ANO1: variants seen among roughly 807,000 people sequenced by gnomAD.
ANO1 encodes anoctamin-1.
ANO1 carries 59 observed loss-of-function variants against 124.0 expected under a neutral mutation model. The ratio of observed to expected loss-of-function variants is 0.48; its 90% CI spans 0.39 to 0.59. The LOEUF (loss-of-function observed/expected upper bound fraction) is 0.59, where lower values mean the gene tolerates loss of function less well. Among genes scored for constraint, ANO1 ranks in the 20% least tolerant of loss-of-function variants. The probability of loss-of-function intolerance (pLI) is 0.00; values close to 1 mark genes in which losing one functional copy is unlikely to be tolerated. For synonymous variants in ANO1, 529 were observed against 532.0 expected (o/e 0.99, Z 0.08); for missense variants, 1,059 against 1,328.0 (o/e 0.80, Z 3.15).
At chr11:69,973,866 C>T in the ANO1 span, among the ~76,000 whole-genome samples, 14 of 146,722 alleles carry the variant, frequency 9.5e-5, no homozygotes, top group Middle Eastern at 3.7e-3. Flanking sequence ...AGCAAGACTC[C>T]GTCTAAAAAA....
At chr11:69,978,629 G>A in the ANO1 span, among the ~76,000 whole-genome samples, 2 of 152,194 alleles carry the variant, frequency 1.3e-5, no homozygotes, top group African/African-American at 2.4e-5. Flanking sequence ...GGGATTACAC[G>A]TGTAAGCTAC....
intron 18 of ANO1, among the ~76,000 whole-genome samples, chr11:70,162,299 G>A (rs1037310793): frequency 3.3e-5 from 5 of 151,928 alleles, no homozygotes; most frequent in African/African-American, 1.2e-4. Context: ...GGGGACCCCA[G>A]GCAGTGAGGA....
chr11:70,010,118 C>T (rs1195248193), intron 1 of ANO1, among the ~76,000 whole-genome samples: 1 of 140,114 alleles, frequency 7.1e-6, no homozygotes, highest in African/African-American at 2.7e-5. Context: ...CTTTTTATGG[C>T]GGAGTAGTAT....
Position 70,188,081 on chromosome 11 carries a change from G to A in ANO1, c.*77G>A, listed in dbSNP as rs1251596260. 16 of 1,483,362 alleles carry A rather than the reference G, an allele frequency of 1.1e-5. No homozygotes were observed. Among genetic ancestry groups the A allele is most frequent in the East Asian group, 5.0e-5 (2 of 40,386 alleles). 91.9% of individuals were successfully genotyped at this position (1,483,362 alleles called of 1,614,324 possible). A position where few individuals can be genotyped will look rare whatever the true frequency, so the allele number is the denominator to read the frequency against. Reference sequence around the variant, plus strand: ...CCTCTCCCAGGGCAGGCGGCTTCCCGCTCCCACCAGGGCCCGGTGGGTCCT... The same window carrying A: ...CCTCTCCCAGGGCAGGCGGCTTCCCACTCCCACCAGGGCCCGGTGGGTCCT... On this transcript the variant is annotated 3_prime_UTR_variant, in exon 26 of 26. Transcript: ENST00000355303.
intron 1 of ANO1, among the ~76,000 whole-genome samples, chr11:70,046,112 T>C (rs1555005612): frequency 6.6e-6 from 1 of 152,018 alleles, no homozygotes; most frequent in Non-Finnish European, 1.5e-5. Context: ...ATGACAGAGG[T>C]GCAGGAATAA....
intron 1 of ANO1, 118 bp downstream of exon 1, chr11:70,078,832 C>A: frequency 2.1e-6 from 1 of 483,566 alleles, no homozygotes; most frequent in Non-Finnish European, 2.9e-6. Flanking sequence ...GCACCCTCCG[C>A]GCAGGGTTCG....
chr11:70,092,670 C>A (rs2044679071), intron 2 of ANO1, among the ~76,000 whole-genome samples: 1 of 152,152 alleles, frequency 6.6e-6, no homozygotes, highest in Non-Finnish European at 1.5e-5. Flanking sequence ...TGGGAAGGGC[C>A]TTTTGCACAA....
At chr11:70,080,362 GAGA>G (rs1250993526) in intron 1 of ANO1, among the ~76,000 whole-genome samples, 16 of 152,350 alleles carry the variant, frequency 1.1e-4, no homozygotes, top group African/African-American at 3.8e-4. Context: ...AAACATTCTG[GAGA>G]AGGAGCTAAT....
intron 1 of ANO1, among the ~76,000 whole-genome samples, chr11:70,031,708 C>A (rs112319427): frequency 6.6e-6 from 1 of 152,190 alleles, no homozygotes; most frequent in Non-Finnish European, 1.5e-5. Context: ...TGCTCTGAGG[C>A]GCAGTGGCTG....
intron 11 of ANO1, among the ~76,000 whole-genome samples, chr11:70,134,778 A>AT (rs2046890093): frequency 6.6e-6 from 1 of 152,188 alleles, no homozygotes; most frequent in Non-Finnish European, 1.5e-5. Context: ...CAGGGGAACC[A>AT]AGGGAAGCAA....
chr11:70,118,742 T>C (rs1375874857), intron 8 of ANO1, among the ~76,000 whole-genome samples: 1 of 144,836 alleles, frequency 6.9e-6, no homozygotes, highest in East Asian at 2.1e-4. Flanking sequence ...GGTGAATGAG[T>C]GGATGGACAG....
At chr11:70,103,713 G>A (rs113376985) in intron 3 of ANO1, among the ~76,000 whole-genome samples, 2 of 152,110 alleles carry the variant, frequency 1.3e-5, no homozygotes, top group South Asian at 2.1e-4. Flanking sequence ...TGCTTCTCGC[G>A]TCCTCAGAGA....
chr11:70,174,233 T>C (rs989362433), intron 22 of ANO1, among the ~76,000 whole-genome samples: 4 of 151,488 alleles, frequency 2.6e-5, no homozygotes, highest in Admixed American at 2.6e-4. Flanking sequence ...CCACCGTGCC[T>C]GGCCAAGCCA....
chr11:70,179,194 G>A (rs74934548), intron 22 of ANO1, among the ~76,000 whole-genome samples: 17,586 of 152,290 alleles, frequency 0.12, 1,109 homozygotes, highest in Middle Eastern at 0.16. Flanking sequence ...TCTCAGAGCT[G>A]GCTCAGGGCA....
At chr11:70,092,716 A>G (rs1250302272) in intron 2 of ANO1, among the ~76,000 whole-genome samples, 2 of 152,146 alleles carry the variant, frequency 1.3e-5, no homozygotes, top group African/African-American at 4.8e-5. Context: ...GACCCCCAGT[A>G]TCCACATGAG....
chr11:70,012,971 A>C (rs1555001350), intron 1 of ANO1, among the ~76,000 whole-genome samples: 1 of 152,238 alleles, frequency 6.6e-6, no homozygotes, highest in East Asian at 1.9e-4. Flanking sequence ...ATAGGCAACA[A>C]TATTTCATTT....
intron 1 of ANO1, among the ~76,000 whole-genome samples, chr11:70,070,514 C>A (rs976948830): frequency 6.6e-6 from 1 of 152,112 alleles, no homozygotes; most frequent in Non-Finnish European, 1.5e-5. Flanking sequence ...GAAACCCGGT[C>A]TCTACTAATA....
At chr11:70,046,025 T>C (rs567301986) in intron 1 of ANO1, among the ~76,000 whole-genome samples, 1 of 152,280 alleles carries the variant, frequency 6.6e-6, no homozygotes, top group African/African-American at 2.4e-5. Flanking sequence ...CCCAGATCAC[T>C]GGGACTCTGT....
At chr11:69,977,629 C>T in the ANO1 span, among the ~76,000 whole-genome samples, 9 of 152,360 alleles carry the variant, frequency 5.9e-5, no homozygotes, top group East Asian at 1.9e-4. Flanking sequence ...AGATCCAATG[C>T]GTCCTAAGGG....
Sources: allele counts gnomAD v4.1 joint callset (sites outside exome capture counted in the v4.1 genomes callset), GRCh38; gene constraint gnomAD v4.1.1; transcripts MANE v1.5; gene names NCBI Gene and HGNC (gene_info 2026-07-23, HGNC 2026-07-21).